Variants in ZNF496 observed in about 807,000 individuals in gnomAD.
ZNF496 encodes zinc finger protein 496.
ZNF496 carries 11 observed loss-of-function variants against 58.9 expected under a neutral mutation model. The ratio of observed to expected loss-of-function variants is 0.19; its 90% CI spans 0.12 to 0.31. The LOEUF is 0.31. ZNF496 is among the 10% of genes least tolerant of loss of function. ZNF496 has a pLI of 1.00. For missense variants in ZNF496, 660 were observed against 783.0 expected, an observed-to-expected ratio of 0.84 and a Z score of 1.88; for synonymous variants, 338 against 318.2, an observed-to-expected ratio of 1.06 and a Z score of -0.66.
At chr1:247,322,947 G>A in intron 6 of ZNF496, 3 of 721,184 alleles carry the variant, frequency 4.2e-6, no homozygotes, top group Non-Finnish European at 6.6e-6. Flanking sequence ...CCTGATGACA[G>A]TAGACCCAGT....
At chr1:247,321,234 GA>G (rs1219018246) in intron 6 of ZNF496, among the ~76,000 whole-genome samples, 1 of 152,088 alleles carries the variant, frequency 6.6e-6, no homozygotes, top group African/African-American at 2.4e-5. Flanking sequence ...GATGAACCTT[GA>G]GGACATTATG....
At chr1:247,303,560 G>A (rs1323782761) in intron 9 of ZNF496, among the ~76,000 whole-genome samples, 1 of 152,152 alleles carries the variant, frequency 6.6e-6, no homozygotes, top group East Asian at 1.9e-4. Context: ...TTGGAGAAAA[G>A]GAGATCCTCC....
intron 5 of ZNF496, 22 bp downstream of exon 5, chr1:247,328,661 T>A (rs1283583322): frequency 6.5e-7 from 1 of 1,539,906 alleles, no homozygotes; most frequent in Non-Finnish European, 8.7e-7. Flanking sequence ...TCACCCCTGC[T>A]ACACTCCCCT....
chr1:247,314,678 T>C (rs564281233), intron 6 of ZNF496, among the ~76,000 whole-genome samples: 1 of 152,302 alleles, frequency 6.6e-6, no homozygotes, highest in South Asian at 2.1e-4. Flanking sequence ...AACTATCAGT[T>C]ACTGTCAGAT....
chr1:247,331,221 T>C (rs1348936426), intron 2 of ZNF496, among the ~76,000 whole-genome samples: 1 of 152,220 alleles, frequency 6.6e-6, no homozygotes, highest in Non-Finnish European at 1.5e-5. Flanking sequence ...TCGGAGGAGA[T>C]GCCTGATGAA....
Position 247,301,056 on chromosome 1 carries a change from CG to C in ZNF496, c.1226del (p.Pro409ArgfsTer46). The C allele has an allele frequency of 6.2e-7, 1 of 1,613,728 alleles. No individual in the cohort carries two copies. The highest frequency in any genetic ancestry group is 8.5e-7 in the Non-Finnish European group (1 of 1,180,044). ...VQTSKKSYVC[P>X]NCGKIFRWRV... ...TCCAGCGGAAGATTTTCCCACAGTT[CG>C]GACACACGTAGGACTTCTTGGAGGT... On this transcript the variant is annotated frameshift_variant, in exon 10 of 10. Coordinates refer to ENST00000682384, the MANE Select transcript of ZNF496 (RefSeq NM_032752.3). LOFTEE classifies it high-confidence loss of function.
chr1:247,300,674 G>C lies in ZNF496; in HGVS notation c.1609C>G (p.Leu537Val), dbSNP rs1572066760. 1.2e-5 allele frequency: 19 copies of C among 1,614,076 alleles called. No homozygotes were observed. The East Asian group carries it at 4.2e-4, about 36-fold the overall frequency. Residue 537 changes from leucine to valine, a missense_variant, in exon 10 of 10, where the codon CTG (leucine) becomes GTG (valine). Physicochemically the swap from Leu to Val is conservative, Grantham distance 32. Coordinates refer to ENST00000682384, the MANE Select transcript of ZNF496 (RefSeq NM_032752.3). This position sits in a 1 kb window ranked among gnomAD's most constrained non-coding sequence, Gnocchi z 5.7. ...TGAAAGTGGCTGCGGTGCCGAGCCA[G>C]GTGGTCGTGCCGCTGGAAGGCCTTC... ...CGKAFQRHDHLARHRSHFHLK... is the reference protein window; with the variant it reads ...CGKAFQRHDHVARHRSHFHLK...
At chr1:247,301,971 G>A (rs1377143893) in intron 9 of ZNF496, among the ~76,000 whole-genome samples, 1 of 152,180 alleles carries the variant, frequency 6.6e-6, no homozygotes, top group Non-Finnish European at 1.5e-5. Context: ...GAGGCCACAG[G>A]TGGTGATGGA....
rs757462051 is a variant in ZNF496, at chr1:247,301,189, G to A, written c.1094C>T (p.Ser365Phe). ...IVLSSSGDEDSQHGPYCTEEL... is the reference protein window; with the variant it reads ...IVLSSSGDEDFQHGPYCTEEL... ...TTCTGTGCAGTACGGGCCATGCTGG[G>A]AGTCCTCGTCCCCAGAGCTGGAGAG... The change falls in exon 10 of 10, where the codon TCC becomes TTC. Residue 365 changes from serine to phenylalanine, a missense_variant. Ser to Phe is a radical substitution (Grantham distance 155). Coordinates refer to ENST00000682384, the MANE Select transcript of ZNF496 (RefSeq NM_032752.3). The A allele has an allele frequency of 6.3e-7, 1 of 1,587,818 alleles. No homozygotes were observed. Among genetic ancestry groups the A allele is most frequent in the Non-Finnish European group, 8.6e-7 (1 of 1,164,652 alleles).
At chr1:247,324,234 T>C (rs1403151815) in intron 5 of ZNF496, among the ~76,000 whole-genome samples, 1 of 152,196 alleles carries the variant, frequency 6.6e-6, no homozygotes, top group African/African-American at 2.4e-5. Flanking sequence ...AAATACTGCA[T>C]GTTCTCACTT....
intron 9 of ZNF496, chr1:247,303,946 TC>T: frequency 4.4e-6 from 1 of 225,334 alleles, no homozygotes; most frequent in Non-Finnish European, 9.4e-6. Context: ...GATGAGGTTA[TC>T]CAGGAAGGTC....
In ZNF496 at chr1:247,308,503, C is replaced by A. The variant is rs755936522; in HGVS notation, c.978G>T (p.Gln326His). The A allele has an allele frequency of 1.2e-6, 2 of 1,614,190 alleles. No homozygotes were observed. Among genetic ancestry groups the A allele is most frequent in the South Asian group, 2.2e-5 (2 of 91,082 alleles). Residue 326 changes from glutamine to histidine, a missense_variant, in exon 9 of 10, where the codon CAG becomes CAT. By Grantham distance (24) the Gln-to-His change is conservative. Coordinates refer to ENST00000682384, the MANE Select transcript of ZNF496 (RefSeq NM_032752.3). The surrounding 1 kb of genome is among the most constrained non-coding windows in gnomAD (Gnocchi z 4.5). Reference sequence around the variant, plus strand: ...GGTAGGTGTTTTGAGGCACCACCGTCTGTGGGCAGGCCTGGAACTCTGGCA... The same window carrying A: ...GGTAGGTGTTTTGAGGCACCACCGTATGTGGGCAGGCCTGGAACTCTGGCA... ...LQVPEFQACP[Q>H]TVVPQNTYPA...
chr1:247,301,137 C>T lies in ZNF496; in HGVS notation c.1146G>A (p.Gln382=). The T allele has an allele frequency of 1.2e-6, 2 of 1,613,600 alleles. No homozygotes were observed. The highest frequency in any genetic ancestry group is 1.7e-6 in the Non-Finnish European group (2 of 1,179,880). The part of the protein sequence containing the change: ...TEELGSPTEK[Q]RSLPASHRSS... ...TCCGGTGGGAGGCGGGGAGGCTGCG[C>T]TGCTTCTCTGTGGGGCTCCCCAGCT... The change falls in exon 10 of 10, where the codon CAG becomes CAA. Residue 382 remains glutamine (Q), a synonymous_variant. Coordinates refer to ENST00000682384, the MANE Select transcript of ZNF496 (RefSeq NM_032752.3).
chr1:247,309,072 G>T lies in ZNF496; in HGVS notation c.893-484C>A. On this transcript the variant is annotated intron_variant, in intron 8 of 9. Transcript: ENST00000682384. The surrounding 1 kb of genome is among the most constrained non-coding windows in gnomAD (Gnocchi z 4.3). ...TCAAAACCTTGTCTGCTTCATGCCAGCTCTAGGTCCCAAAGGGGAAGAAGG... is the reference window on the plus strand; with the variant it reads ...TCAAAACCTTGTCTGCTTCATGCCATCTCTAGGTCCCAAAGGGGAAGAAGG... 1 of 173,590 alleles carries T rather than the reference G, an allele frequency of 5.8e-6. No homozygotes were observed. Among genetic ancestry groups the T allele is most frequent in the Non-Finnish European group, 1.2e-5 (1 of 81,032 alleles). 10.8% of individuals were successfully genotyped at this position (173,590 alleles called of 1,614,324 possible).
intron 2 of ZNF496, among the ~76,000 whole-genome samples, chr1:247,330,525 G>A (rs1334020434): frequency 6.6e-6 from 1 of 152,174 alleles, no homozygotes; most frequent in Non-Finnish European, 1.5e-5. Context: ...GTGGGACTCA[G>A]GGGTCCCTAC....
At chr1:247,323,291 CT>C (rs1660018766) in intron 5 of ZNF496, 61 bp from the exon 6 acceptor site, 2 of 1,240,810 alleles carry the variant, frequency 1.6e-6, no homozygotes, top group Admixed American at 3.8e-5. Context: ...GTGCTGATAC[CT>C]TCTGAGCTTC....
At chr1:247,303,439 T>C (rs1411884122) in intron 9 of ZNF496, among the ~76,000 whole-genome samples, 1 of 152,188 alleles carries the variant, frequency 6.6e-6, no homozygotes, top group Non-Finnish European at 1.5e-5. Context: ...GACCAAAAAC[T>C]GTCGAAGTGA....
chr1:247,326,109 C>T (rs529151089), intron 5 of ZNF496, among the ~76,000 whole-genome samples: 1 of 149,498 alleles, frequency 6.7e-6, no homozygotes, highest in Non-Finnish European at 1.5e-5. Flanking sequence ...TATATATACA[C>T]ACACATATAT....
chr1:247,307,817 T>G, intron 9 of ZNF496: 1 of 985,354 alleles, frequency 1.0e-6, no homozygotes, highest in Non-Finnish European at 1.2e-6. Context: ...TTGGGTTTTG[T>G]ATTGAGAAGA....
Sources: allele counts gnomAD v4.1 joint callset (sites outside exome capture counted in the v4.1 genomes callset), GRCh38; gene constraint gnomAD v4.1.1; non-coding constraint Gnocchi (gnomAD v3.1); transcripts MANE v1.5; gene names NCBI Gene and HGNC (gene_info 2026-07-23, HGNC 2026-07-21).